RAB6A: variants seen among roughly 807,000 people sequenced by gnomAD.
The protein encoded by RAB6A is ras-related protein Rab-6A.
In RAB6A, 8 loss-of-function variants were observed where a neutral mutation model predicts 32.3. The ratio of observed to expected loss-of-function variants is 0.25; its 90% confidence interval spans 0.15 to 0.45. The LOEUF is 0.45. Ranked by LOEUF, RAB6A falls within the 20% of genes least tolerant of loss-of-function variation. The probability of loss-of-function intolerance (pLI) is 1.00; values close to 1 mark genes in which losing one functional copy is unlikely to be tolerated. For missense variants in RAB6A, 104 were observed against 249.4 expected (o/e 0.42, Z 3.93); for synonymous variants, 73 against 82.1 (o/e 0.89, Z 0.60).
chr11:73,755,090 G>A (rs929867281), intron 1 of RAB6A, among the ~76,000 whole-genome samples: 1 of 151,062 alleles, frequency 6.6e-6, no homozygotes, highest in Non-Finnish European at 1.5e-5. Context: ...CACCATGCCA[G>A]GCTAATTTCT....
intron 7 of RAB6A, among the ~76,000 whole-genome samples, chr11:73,678,427 G>C (rs1460222647): frequency 6.6e-6 from 1 of 152,082 alleles, no homozygotes; most frequent in Admixed American, 6.6e-5. Context: ...GACCAGCCTG[G>C]CCAACATGGC....
intron 6 of RAB6A, among the ~76,000 whole-genome samples, chr11:73,680,436 CACG>C (rs1198018591): frequency 7.2e-5 from 11 of 152,186 alleles, no homozygotes; most frequent in Non-Finnish European, 1.5e-4. Flanking sequence ...GGGTGTGGAT[CACG>C]AGGTCAGGAG....
At chr11:73,708,221 T>A (rs1945881077) in intron 5 of RAB6A, among the ~76,000 whole-genome samples, 2 of 152,124 alleles carry the variant, frequency 1.3e-5, no homozygotes, top group Admixed American at 1.3e-4. Context: ...CAGGCTGGAG[T>A]GCAATGGCGC....
intron 6 of RAB6A, among the ~76,000 whole-genome samples, chr11:73,705,351 A>G (rs891850087): frequency 5.9e-5 from 9 of 152,132 alleles, no homozygotes; most frequent in African/African-American, 2.2e-4. Flanking sequence ...AGTTTGAGTC[A>G]AGCCTGGCCA....
chr11:73,745,033 G>A (rs997430081), intron 1 of RAB6A, among the ~76,000 whole-genome samples: 8 of 149,866 alleles, frequency 5.3e-5, no homozygotes, highest in Non-Finnish European at 1.2e-4. Context: ...ACTAGCACAA[G>A]ACTCACTTTA....
intron 1 of RAB6A, among the ~76,000 whole-genome samples, chr11:73,752,895 T>C (rs1423943374): frequency 1.3e-5 from 2 of 151,444 alleles, no homozygotes; most frequent in African/African-American, 2.4e-5. Flanking sequence ...AAAAATCTTA[T>C]GAGAATTAAA....
intron 1 of RAB6A, among the ~76,000 whole-genome samples, chr11:73,747,943 T>C (rs144728980): frequency 6.6e-6 from 1 of 152,338 alleles, no homozygotes; most frequent in Non-Finnish European, 1.5e-5. Context: ...CCTTGATCAC[T>C]TGGTTATTGG....
chr11:73,730,710 G>T, intron 2 of RAB6A, 55 bp downstream of exon 2: 1 of 1,371,428 alleles, frequency 7.3e-7, no homozygotes, highest in South Asian at 1.2e-5. Context: ...AAAATATCTT[G>T]AATATTACTT....
In RAB6A at chr11:73,760,769, G is replaced by T. The variant is rs895001756; in HGVS notation, c.-134C>A. On this transcript the variant is annotated 5_prime_UTR_variant, in exon 1 of 8. Coordinates refer to ENST00000336083, the MANE Select transcript of RAB6A (RefSeq NM_198896.2). ...TCGGCCCCTGCAAGGCCCGGTGGAG[G>T]AGCCCGGCTGGAGGGCAGCAGGACT... is the stretch of plus-strand genomic sequence containing the variant. 10 of 1,289,860 alleles carry T rather than the reference G, an allele frequency of 7.8e-6. No homozygotes were observed. Among genetic ancestry groups the T allele is most frequent in the Non-Finnish European group, 1.1e-5 (10 of 934,124 alleles). 79.9% of individuals were successfully genotyped at this position (1,289,860 alleles called of 1,614,324 possible).
intron 2 of RAB6A, chr11:73,722,328 TATATATA>T (rs1946149847): frequency 9.3e-4 from 10 of 10,732 alleles, no homozygotes; most frequent in African/African-American, 2.7e-3. Context: ...TATATATATA[TATATATA>T]TATATATATT....
intron 7 of RAB6A, 61 bp from the exon 8 acceptor site, chr11:73,678,023 A>G: frequency 1.3e-6 from 2 of 1,549,494 alleles, no homozygotes; most frequent in Admixed American, 3.4e-5. Context: ...TCCAAACACT[A>G]GCATTTCTGG....
intron 5 of RAB6A, among the ~76,000 whole-genome samples, chr11:73,711,942 G>A (rs1945964105): frequency 6.6e-6 from 1 of 152,134 alleles, no homozygotes; most frequent in South Asian, 2.1e-4. Context: ...CATATTTCTA[G>A]TCAATTTTTC....
At chr11:73,731,684 T>TTTTATATA (rs1555064991) in intron 1 of RAB6A, among the ~76,000 whole-genome samples, 11 of 14,516 alleles carry the variant, frequency 7.6e-4, no homozygotes, top group African/African-American at 1.9e-3. Context: ...TAGATAGATA[T>TTTTATATA]TATATATATA....
At chr11:73,692,819 G>GGCGT (rs1945594989) in intron 6 of RAB6A, among the ~76,000 whole-genome samples, 1 of 141,842 alleles carries the variant, frequency 7.1e-6, no homozygotes, top group Non-Finnish European at 1.5e-5. Context: ...AAATTAGCCG[G>GGCGT]GCGTGTTGGC....
intron 6 of RAB6A, among the ~76,000 whole-genome samples, chr11:73,684,103 C>T (rs1336002569): frequency 6.6e-6 from 1 of 151,872 alleles, no homozygotes; most frequent in African/African-American, 2.4e-5. Context: ...CAGAAGGCTA[C>T]GATCAGATGA....
intron 1 of RAB6A, among the ~76,000 whole-genome samples, chr11:73,736,255 C>G (rs1332809242): frequency 6.8e-6 from 1 of 147,888 alleles, no homozygotes; most frequent in Non-Finnish European, 1.5e-5. Flanking sequence ...ATGGTGAAAC[C>G]CCATCTCTAC....
intron 1 of RAB6A, among the ~76,000 whole-genome samples, chr11:73,741,321 A>G (rs1462738326): frequency 6.6e-6 from 1 of 152,090 alleles, no homozygotes; most frequent in East Asian, 1.9e-4. Context: ...TATTTTTAGT[A>G]GAGACGGGGT....
intron 6 of RAB6A, among the ~76,000 whole-genome samples, chr11:73,688,764 A>AT (rs1005883228): frequency 2.2e-4 from 33 of 152,316 alleles, no homozygotes; most frequent in South Asian, 6.2e-4. Context: ...ACATAAGTAG[A>AT]TTTTTTCCCC....
chr11:73,760,940 C>A lies in RAB6A; in HGVS notation c.-305G>T. 1 of 329,692 alleles carries A rather than the reference C, an allele frequency of 3.0e-6. No individual in the cohort carries two copies. The highest frequency in any genetic ancestry group is 5.8e-6 in the Non-Finnish European group (1 of 171,666). 20.4% of individuals were successfully genotyped at this position (329,692 alleles called of 1,614,324 possible). A position where few individuals can be genotyped will look rare whatever the true frequency, so the allele number is the denominator to read the frequency against. On this transcript the variant is annotated 5_prime_UTR_variant, in exon 1 of 8. Coordinates refer to ENST00000336083, the MANE Select transcript of RAB6A (RefSeq NM_198896.2). ...CAAAGCTAGGGCCGTTCCCTCCTTC[C>A]GCACTCGGCTCCCAGACCTGGGGAA...
Sources: gnomAD v4.1 joint callset for allele counts (sites outside exome capture counted in the v4.1 genomes callset) on GRCh38, gnomAD v4.1.1 for gene constraint, MANE v1.5 for transcripts, NCBI Gene and HGNC (gene_info 2026-07-23, HGNC 2026-07-21) for gene names.